The following EMSY variants were observed in gnomAD, a reference collection of about 807,000 sequenced individuals.
EMSY encodes the protein BRCA2-interacting transcriptional repressor EMSY.
A neutral mutation model predicts 134.6 loss-of-function variants in EMSY; 26 were observed. That is an observed-to-expected ratio of 0.19 (90% CI 0.14 to 0.27). The LOEUF is 0.27. Ranked by LOEUF, EMSY falls within the 10% of genes least tolerant of loss-of-function variation. The pLI is 1.00. For synonymous variants in EMSY, 579 were observed against 577.8 expected (o/e 1.00, Z -0.03); for missense variants, 1,305 against 1,611.4 (o/e 0.81, Z 3.26).
intron 8 of EMSY, among the ~76,000 whole-genome samples, chr11:76,475,210 T>C (rs1286285047): frequency 6.6e-6 from 1 of 152,248 alleles, no homozygotes; most frequent in Non-Finnish European, 1.5e-5. Context: ...TCAACACTAA[T>C]ATAAATTATC....
At chr11:76,456,669 C>T (rs1325333767) in intron 4 of EMSY, among the ~76,000 whole-genome samples, 2 of 152,144 alleles carry the variant, frequency 1.3e-5, no homozygotes, top group East Asian at 1.9e-4. Context: ...GTGAGTGTTA[C>T]TGAAGTTTTA....
At chr11:76,502,600 C>T (rs1023504833) in intron 9 of EMSY, among the ~76,000 whole-genome samples, 6 of 150,638 alleles carry the variant, frequency 4.0e-5, no homozygotes, top group East Asian at 1.9e-4. Flanking sequence ...ATAAATGAGA[C>T]GTGTTTGGAA....
At chr11:76,502,782 A>T (rs1354655813) in intron 9 of EMSY, among the ~76,000 whole-genome samples, 2 of 152,212 alleles carry the variant, frequency 1.3e-5, no homozygotes, top group African/African-American at 4.8e-5. Flanking sequence ...ATTGAAAGAA[A>T]TTAAAGATCT....
At chr11:76,486,710 T>C (rs1246624290) in intron 8 of EMSY, among the ~76,000 whole-genome samples, 1 of 152,098 alleles carries the variant, frequency 6.6e-6, no homozygotes, top group Admixed American at 6.5e-5. Flanking sequence ...GTGGGTGAAG[T>C]GGATATTTAA....
intron 5 of EMSY, 80 bp from the exon 7 acceptor site, chr11:76,459,853 C>A: frequency 6.6e-7 from 1 of 1,511,606 alleles, no homozygotes; most frequent in Admixed American, 1.8e-5. Context: ...TTAAAATTGG[C>A]CTGCAATAAA....
chr11:76,552,525 A>G (rs2136953083), downstream of EMSY: 1 of 152,354 alleles, frequency 6.6e-6, no homozygotes, highest in South Asian at 2.1e-4. Flanking sequence ...GAATTTTTAG[A>G]ATCCTAACAA....
At chr11:76,464,012 C>T (rs1489497608) in exon 7 of EMSY, 11 of 1,614,180 alleles carry the variant, frequency 6.8e-6, no homozygotes, top group Middle Eastern at 1.6e-4. Flanking sequence ...CTTACCACCC[C>T]ACATGTCTCC....
intron 10 of EMSY, 69 bp from the exon 12 acceptor site, chr11:76,516,073 A>T: frequency 1.5e-5 from 19 of 1,300,558 alleles, no homozygotes; most frequent in Non-Finnish European, 1.9e-5. Flanking sequence ...AATTACAGTT[A>T]AACTGTATTA....
At chr11:76,495,783 C>T (rs1233752501) in intron 8 of EMSY, among the ~76,000 whole-genome samples, 1 of 151,908 alleles carries the variant, frequency 6.6e-6, no homozygotes, top group East Asian at 1.9e-4. Flanking sequence ...TTTAAACTGG[C>T]TGATTAGAAC....
chr11:76,532,789 A>T (rs769996947), intron 14 of EMSY, among the ~76,000 whole-genome samples: 8 of 152,164 alleles, frequency 5.3e-5, no homozygotes, highest in Non-Finnish European at 1.0e-4. Flanking sequence ...TTGTAAAGAC[A>T]TTGCTTTGAG....
intron 9 of EMSY, among the ~76,000 whole-genome samples, chr11:76,507,981 A>C (rs1043983129): frequency 2.7e-5 from 4 of 150,720 alleles, no homozygotes; most frequent in Admixed American, 2.0e-4. Context: ...CTCCCACCTC[A>C]GCCTCCCAAG....
At chr11:76,484,774 A>T (rs1400500814) in intron 8 of EMSY, among the ~76,000 whole-genome samples, 1 of 152,076 alleles carries the variant, frequency 6.6e-6, no homozygotes, top group Non-Finnish European at 1.5e-5. Context: ...CTCTACTAAA[A>T]ATACAAAAAA....
exon 19 of EMSY, chr11:76,544,620 C>A: frequency 6.2e-7 from 1 of 1,614,096 alleles, no homozygotes; most frequent in Non-Finnish European, 8.5e-7. Context: ...ACACAGCATC[C>A]CATGGTGGCC....
chr11:76,504,310 T>C (rs1949992200), intron 9 of EMSY, among the ~76,000 whole-genome samples: 1 of 149,668 alleles, frequency 6.7e-6, no homozygotes, highest in Non-Finnish European at 1.5e-5. Flanking sequence ...AATATATATA[T>C]ATAAACTCTT....
intron 8 of EMSY, among the ~76,000 whole-genome samples, chr11:76,483,237 A>G (rs2135531972): frequency 6.6e-6 from 1 of 152,332 alleles, no homozygotes; most frequent in African/African-American, 2.4e-5. Flanking sequence ...CTGCCTTACA[A>G]GAACTCCTGA....
At chr11:76,492,819 T>C (rs1380824209) in intron 8 of EMSY, among the ~76,000 whole-genome samples, 2 of 152,176 alleles carry the variant, frequency 1.3e-5, no homozygotes, top group East Asian at 3.9e-4. Context: ...TGGGCTTCCA[T>C]GAGTGTGAGC....
chr11:76,461,257 T>C (rs1311121140), intron 6 of EMSY, among the ~76,000 whole-genome samples: 1 of 152,210 alleles, frequency 6.6e-6, no homozygotes, highest in Non-Finnish European at 1.5e-5. Context: ...TTTCTCAATA[T>C]GGTTATAAAC....
At chr11:76,535,993 G>A (rs1951211673) in exon 15 of EMSY, 1 of 1,604,688 alleles carries the variant, frequency 6.2e-7, no homozygotes, top group Non-Finnish European at 8.5e-7. Context: ...TTATCAGGAT[G>A]TATCCAGTGA....
chr11:76,477,868 G>GT (rs931317203), intron 8 of EMSY, among the ~76,000 whole-genome samples: 20 of 151,764 alleles, frequency 1.3e-4, no homozygotes, highest in African/African-American at 3.9e-4. Flanking sequence ...TGTTGCTACT[G>GT]TTTTTTTTCT....
Sources: gnomAD v4.1 joint callset for allele counts (sites outside exome capture counted in the v4.1 genomes callset) on GRCh38, gnomAD v4.1.1 for gene constraint, MANE v1.5 for transcripts, NCBI Gene and HGNC (gene_info 2026-07-23, HGNC 2026-07-21) for gene names.